CSMD1: variants seen among roughly 807,000 people sequenced by gnomAD.
The protein encoded by CSMD1 is CUB and sushi domain-containing protein 1.
Under a neutral mutation model 417.5 loss-of-function variants are expected in CSMD1, and 213 were observed. The ratio of observed to expected loss-of-function variants is 0.51; its 90% CI spans 0.46 to 0.57. The LOEUF (loss-of-function observed/expected upper bound fraction) is 0.57, where lower values mean the gene tolerates loss of function less well. CSMD1 is among the 20% of genes least tolerant of loss of function. The probability of loss-of-function intolerance (pLI) is 0.00; values close to 1 mark genes in which losing one functional copy is unlikely to be tolerated. For synonymous variants in CSMD1, 2,862 were observed against 1,736.8 expected (o/e 1.65, Z -16.11); for missense variants, 6,923 against 4,529.7 (o/e 1.53, Z -15.17).
intron 3 of CSMD1, among the ~76,000 whole-genome samples, chr8:4,246,669 A>G (rs191840773): frequency 3.3e-5 from 5 of 152,220 alleles, no homozygotes; most frequent in Non-Finnish European, 5.9e-5. Flanking sequence ...AGAAACAAAA[A>G]ACAACTTAAC....
intron 5 of CSMD1, among the ~76,000 whole-genome samples, chr8:3,792,724 G>C (rs1259526114): frequency 1.3e-5 from 2 of 152,176 alleles, no homozygotes; most frequent in Admixed American, 1.3e-4. Flanking sequence ...TGGTGAAAGA[G>C]TTTCAACCAG....
intron 5 of CSMD1, among the ~76,000 whole-genome samples, chr8:3,913,144 G>C (rs1808573839): frequency 2.0e-5 from 3 of 152,130 alleles, no homozygotes; most frequent in Admixed American, 1.3e-4. Context: ...GAAATTTGAA[G>C]TATCCATGTT....
Position 4,766,927 on chromosome 8 carries a change from A to G in CSMD1, c.86-129369T>C, listed in dbSNP as rs182576650. Among the ~76,000 whole-genome samples, 639 of 152,350 alleles carry G rather than the reference A, an allele frequency of 4.2e-3. 4 individuals are homozygous for G. Among genetic ancestry groups the G allele is most frequent in the Admixed American group, 9.6e-3 (147 of 15,294 alleles). On this transcript the variant is annotated intron_variant, in intron 1 of 69. Coordinates refer to ENST00000635120, the MANE Select transcript of CSMD1 (RefSeq NM_033225.6). ...GCTTGAAGATTAGGCCCTATTAAAA[A>G]TATGTACAGAGACACTTTGACTGAG...
rs1802995645 is a variant in CSMD1 at position 4,638,669 on chromosome 8, A to G, written c.86-1111T>C. Among the ~76,000 whole-genome samples, 4 of 152,304 alleles carry G rather than the reference A, an allele frequency of 2.6e-5. No individual in the cohort carries two copies. The South Asian group carries it at 8.3e-4, about 32-fold the overall frequency. On this transcript the variant is annotated intron_variant, in intron 1 of 69. Transcript: ENST00000635120. The stretch of plus-strand genomic sequence containing the variant: ...CAGTAAGTGAATTAGCTTAGTCCCT[A>G]AGCAGGACAGCAGGACATCTCACGT...
chr8:3,873,233 A>C (rs1335769997), intron 5 of CSMD1, among the ~76,000 whole-genome samples: 2 of 152,218 alleles, frequency 1.3e-5, no homozygotes, highest in African/African-American at 4.8e-5. Flanking sequence ...CAATCATTCT[A>C]TCATAAAGAC....
chr8:4,895,160 AAAT>A (rs1407899515), intron 1 of CSMD1, among the ~76,000 whole-genome samples: 9 of 152,218 alleles, frequency 5.9e-5, no homozygotes, highest in African/African-American at 9.7e-5. Flanking sequence ...TCTGTACAAA[AAAT>A]AATAACTATT....
intron 5 of CSMD1, among the ~76,000 whole-genome samples, chr8:3,901,055 C>T (rs748072777): frequency 3.9e-5 from 6 of 152,130 alleles, no homozygotes; most frequent in South Asian, 4.2e-4. Context: ...CTTTTAATAA[C>T]GATTTTGTAG....
At chr8:2,996,623 C>A (rs585163) in intron 54 of CSMD1, among the ~76,000 whole-genome samples, 1,951 of 152,286 alleles carry the variant, frequency 0.013, 38 homozygotes, top group African/African-American at 0.045. Flanking sequence ...AGGCCCTGCT[C>A]CATACTTCCT....
At chr8:4,050,216 T>A (rs574815397) in intron 3 of CSMD1, among the ~76,000 whole-genome samples, 2 of 152,186 alleles carry the variant, frequency 1.3e-5, no homozygotes, top group South Asian at 2.1e-4. Context: ...TAGGGTCGTG[T>A]TTGTCAGTTT....
chr8:4,449,625 C>T (rs1468049236), intron 2 of CSMD1, among the ~76,000 whole-genome samples: 35 of 152,256 alleles, frequency 2.3e-4, no homozygotes. Flanking sequence ...AGCCAGAATA[C>T]ATCTTGGAGC....
chr8:3,809,595 C>T (rs2129076280), intron 5 of CSMD1, among the ~76,000 whole-genome samples: 1 of 152,186 alleles, frequency 6.6e-6, no homozygotes, highest in Middle Eastern at 3.4e-3. Context: ...TAGTTGGCCC[C>T]ACCTGCAGAG....
chr8:3,367,302 GC>G lies in CSMD1; in HGVS notation c.2900-56del, dbSNP rs1809655710. On this transcript the variant is annotated intron_variant, in intron 19 of 69. Transcript: ENST00000635120. Reference sequence around the variant, plus strand: ...GAGACAGAGAGAGACACACGGGGCGGCGGGGGCAGAGAGGGAGCGGGGCAGA... The same window carrying G: ...GAGACAGAGAGAGACACACGGGGCGGGGGGGCAGAGAGGGAGCGGGGCAGA... 28 of 1,265,962 alleles carry G rather than the reference GC, an allele frequency of 2.2e-5. No individual in the cohort carries two copies. In the South Asian group the frequency reaches 2.9e-4, roughly 13 times the overall value. 78.4% of individuals were successfully genotyped at this position (1,265,962 alleles called of 1,614,324 possible).
intron 2 of CSMD1, among the ~76,000 whole-genome samples, chr8:4,630,844 C>G (rs1802468232): frequency 6.6e-6 from 1 of 152,140 alleles, no homozygotes; most frequent in Non-Finnish European, 1.5e-5. Context: ...TGCTACTTCC[C>G]TGGAACTATC....
intron 2 of CSMD1, among the ~76,000 whole-genome samples, chr8:4,429,970 A>G (rs1184297987): frequency 1.3e-5 from 2 of 152,186 alleles, no homozygotes; most frequent in African/African-American, 4.8e-5. Flanking sequence ...GGGAGAATCC[A>G]CTGGAAGCTG....
At chr8:3,464,531 G>A (rs1415081873) in intron 12 of CSMD1, among the ~76,000 whole-genome samples, 3 of 150,640 alleles carry the variant, frequency 2.0e-5, no homozygotes, top group Admixed American at 6.6e-5. Flanking sequence ...ATAGTATTCT[G>A]AGATTTACTA....
chr8:3,513,839 G>A (rs1203139334), intron 10 of CSMD1, among the ~76,000 whole-genome samples: 1 of 152,184 alleles, frequency 6.6e-6, no homozygotes, highest in South Asian at 2.1e-4. Flanking sequence ...CTGCATTGCA[G>A]ATTTGGAGAG....
intron 30 of CSMD1, 145 bp from the exon 31 acceptor site, chr8:3,205,765 TA>T: frequency 2.1e-6 from 1 of 482,908 alleles, no homozygotes; most frequent in Non-Finnish European, 3.6e-6. Context: ...TTTGCATTGC[TA>T]TCAAAGTCAT....
chr8:3,773,071 T>G (rs1030893782), intron 5 of CSMD1, among the ~76,000 whole-genome samples: 7 of 152,110 alleles, frequency 4.6e-5, no homozygotes, highest in Non-Finnish European at 8.8e-5. Context: ...CTGGGGCCTC[T>G]TCTATAAGGA....
chr8:4,918,365 A>T (rs1005261831), intron 1 of CSMD1, among the ~76,000 whole-genome samples: 2 of 152,282 alleles, frequency 1.3e-5, no homozygotes, highest in African/African-American at 4.8e-5. Flanking sequence ...CTCAGAGTGA[A>T]AGGTGGGTGT....
Sources: gnomAD v4.1 joint callset for allele counts (sites outside exome capture counted in the v4.1 genomes callset) on GRCh38, gnomAD v4.1.1 for gene constraint, MANE v1.5 for transcripts, NCBI Gene and HGNC (gene_info 2026-07-23, HGNC 2026-07-21) for gene names.